Variants in RBFOX1 observed in about 807,000 individuals in gnomAD.
RBFOX1 encodes the protein RNA binding fox-1 homolog 1, also known as RNA binding protein fox-1 homolog 1.
Under a neutral mutation model 57.7 loss-of-function variants are expected in RBFOX1, and 8 were observed. The ratio of observed to expected loss-of-function variants is 0.14; its 90% CI spans 0.08 to 0.25. The LOEUF (loss-of-function observed/expected upper bound fraction) is 0.25. Among genes scored for constraint, RBFOX1 ranks in the 10% least tolerant of loss-of-function variants. The probability of loss-of-function intolerance (pLI) is 1.00; values close to 1 mark genes in which losing one functional copy is unlikely to be tolerated. For synonymous variants in RBFOX1, 326 were observed against 222.4 expected, an observed-to-expected ratio of 1.47 and a Z score of -4.15; for missense variants, 611 against 548.5, an observed-to-expected ratio of 1.11 and a Z score of -1.14.
At chr16:5,718,295 C>T (rs917214118) in intron 3 of RBFOX1, among the ~76,000 whole-genome samples, 1 of 152,194 alleles carries the variant, frequency 6.6e-6, no homozygotes, top group African/African-American at 2.4e-5. Flanking sequence ...CAGTGAGAAG[C>T]ACAACCAGAC....
chr16:7,029,073 T>TAC lies in RBFOX1; in HGVS notation c.-15-22983_-15-22982insCA, dbSNP rs1568439401. 9.0e-4 allele frequency among the ~76,000 whole-genome samples: 41 copies of TAC among 45,618 alleles called. 3 individuals carry two copies. Among genetic ancestry groups the TAC allele is most frequent in the South Asian group, 2.7e-3 (3 of 1,122 alleles). The allele number at this position is 45,618 out of a possible 152,430, so 29.9% of individuals were successfully genotyped here. ...ATATATATATATATATATATATATA[T>TAC]ATATATATACACACACACACACACA... is the stretch of plus-strand genomic sequence containing the variant. On this transcript the variant is annotated intron_variant, in intron 3 of 15. Coordinates refer to ENST00000550418, the MANE Select transcript of RBFOX1 (RefSeq NM_018723.4).
chr16:6,581,875 G>A (rs17824441), intron 2 of RBFOX1, among the ~76,000 whole-genome samples: 53,713 of 152,112 alleles, frequency 0.35, 10,976 homozygotes, highest in Middle Eastern at 0.5. Flanking sequence ...ACAATCAGAG[G>A]CATTTCAACA....
chr16:6,982,021 G>A (rs900672600), intron 3 of RBFOX1, among the ~76,000 whole-genome samples: 6 of 152,256 alleles, frequency 3.9e-5, no homozygotes, highest in African/African-American at 1.4e-4. Flanking sequence ...GAACCCTCGT[G>A]TTTTACCTTA....
At chr16:6,191,883 G>C (rs1376336976) in intron 1 of RBFOX1, among the ~76,000 whole-genome samples, 3 of 152,070 alleles carry the variant, frequency 2.0e-5, no homozygotes, top group Admixed American at 2.0e-4. Flanking sequence ...GAAGGGGGGA[G>C]AATCATCTCT....
At chr16:7,381,335 G>A (rs2097779021) in intron 4 of RBFOX1, among the ~76,000 whole-genome samples, 1 of 152,046 alleles carries the variant, frequency 6.6e-6, no homozygotes, top group South Asian at 2.1e-4. Context: ...ATAACTTGTG[G>A]GAAAAGGTAT....
chr16:7,054,702 G>A (rs568422785), intron 4 of RBFOX1, among the ~76,000 whole-genome samples: 1 of 152,308 alleles, frequency 6.6e-6, no homozygotes, highest in South Asian at 2.1e-4. Context: ...CATCGTTGAA[G>A]GGTAACTGTC....
chr16:5,485,935 G>A (rs1360539200), intron 2 of RBFOX1, among the ~76,000 whole-genome samples: 5 of 152,104 alleles, frequency 3.3e-5, no homozygotes, highest in Non-Finnish European at 5.9e-5. Context: ...GATGATAATC[G>A]TTCCCACATC....
chr16:7,364,969 C>G (rs969401142), intron 4 of RBFOX1, among the ~76,000 whole-genome samples: 6 of 152,142 alleles, frequency 3.9e-5, no homozygotes, highest in Admixed American at 6.5e-5. Context: ...TTCTTGAGAC[C>G]TACAATGATC....
At chr16:5,733,491 C>G (rs2052457481) in intron 3 of RBFOX1, among the ~76,000 whole-genome samples, 1 of 152,156 alleles carries the variant, frequency 6.6e-6, no homozygotes, top group Non-Finnish European at 1.5e-5. Context: ...AGTGGAGTAG[C>G]TGCCCTGGGC....
chr16:7,181,139 C>G (rs1021724440), intron 4 of RBFOX1, among the ~76,000 whole-genome samples: 1 of 152,192 alleles, frequency 6.6e-6, no homozygotes, highest in African/African-American at 2.4e-5. Flanking sequence ...TCAATCCTTC[C>G]TTGTCATGTG....
chr16:7,304,159 G>A (rs1455275786), intron 4 of RBFOX1: 1 of 967,066 alleles, frequency 1.0e-6, no homozygotes, highest in East Asian at 1.2e-4. Flanking sequence ...AGGGACCGGC[G>A]GGGTGCGGTG....
intron 1 of RBFOX1, among the ~76,000 whole-genome samples, chr16:6,259,390 C>G (rs1401852447): frequency 1.3e-5 from 2 of 152,156 alleles, no homozygotes; most frequent in African/African-American, 4.8e-5. Context: ...ACAGCCTAAG[C>G]AAGTGAAATA....
At chr16:7,470,688 G>C (rs541886527) in intron 4 of RBFOX1, among the ~76,000 whole-genome samples, 3 of 152,216 alleles carry the variant, frequency 2.0e-5, no homozygotes, top group Non-Finnish European at 4.4e-5. Flanking sequence ...AGATGGAAGA[G>C]TGGATGAATA....
intron 2 of RBFOX1, among the ~76,000 whole-genome samples, chr16:6,618,002 A>G (rs984126062): frequency 2.6e-5 from 4 of 152,118 alleles, no homozygotes; most frequent in African/African-American, 9.7e-5. Flanking sequence ...ATCTTTTCCT[A>G]TCCACCTGGC....
intron 2 of RBFOX1, among the ~76,000 whole-genome samples, chr16:5,583,612 A>T (rs2046743681): frequency 6.6e-6 from 1 of 152,204 alleles, no homozygotes. Flanking sequence ...ATTAAACTCC[A>T]TCAAGTTGAA....
At chr16:5,520,694 A>G (rs766285835) in intron 2 of RBFOX1, among the ~76,000 whole-genome samples, 4 of 152,182 alleles carry the variant, frequency 2.6e-5, no homozygotes, top group Non-Finnish European at 5.9e-5. Context: ...GTCTCACCAT[A>G]TGGCTTGCAA....
intron 4 of RBFOX1, among the ~76,000 whole-genome samples, chr16:7,236,284 T>A (rs1477068388): frequency 6.6e-6 from 1 of 152,220 alleles, no homozygotes; most frequent in Non-Finnish European, 1.5e-5. Flanking sequence ...GTTAATAGGA[T>A]GTATTTAACA....
chr16:5,396,200 G>A (rs183293354), intron 1 of RBFOX1, among the ~76,000 whole-genome samples: 40 of 152,288 alleles, frequency 2.6e-4, no homozygotes, highest in African/African-American at 8.9e-4. Context: ...TCTTTGCAAT[G>A]GTTACGTGAA....
intron 2 of RBFOX1, among the ~76,000 whole-genome samples, chr16:6,493,920 C>T (rs2095695483): frequency 6.6e-6 from 1 of 152,138 alleles, no homozygotes; most frequent in Non-Finnish European, 1.5e-5. Flanking sequence ...TTTCTTAATA[C>T]ATCTACAGTA....
Sources: gnomAD v4.1 joint callset for allele counts (sites outside exome capture counted in the v4.1 genomes callset) on GRCh38, gnomAD v4.1.1 for gene constraint, MANE v1.5 for transcripts, NCBI Gene and HGNC (gene_info 2026-07-23, HGNC 2026-07-21) for gene names.